The following CEP152 variants were observed in gnomAD, a reference collection of about 807,000 sequenced individuals.
CEP152 encodes centrosomal protein of 152 kDa.
Under a neutral mutation model 188.9 loss-of-function variants are expected in CEP152, and 132 were observed. The observed-to-expected ratio is 0.70, with a 90% confidence interval of 0.61 to 0.81. CEP152 has a LOEUF of 0.81. Ranked by LOEUF, CEP152 falls within the 30% of genes least tolerant of loss-of-function variation. The probability of loss-of-function intolerance (pLI) is 0.00; values close to 1 mark genes in which losing one functional copy is unlikely to be tolerated. For synonymous variants in CEP152, 649 were observed against 666.6 expected (o/e 0.97, Z 0.41); for missense variants, 1,914 against 1,969.8 (o/e 0.97, Z 0.54).
chr15:48,761,780 C>T (rs1418318641), intron 18 of CEP152, among the ~76,000 whole-genome samples: 1 of 152,184 alleles, frequency 6.6e-6, no homozygotes, highest in Admixed American at 6.5e-5. Flanking sequence ...AAAGATATAA[C>T]AGATAACTCA....
intron 19 of CEP152, 82 bp downstream of exon 19, chr15:48,760,053 A>T: frequency 6.4e-7 from 1 of 1,556,366 alleles, no homozygotes; most frequent in African/African-American, 1.4e-5. Flanking sequence ...TTCTATGAGT[A>T]GGTACAAATT....
chr15:48,737,417 T>C (rs1892660805), downstream of CEP152, among the ~76,000 whole-genome samples: 1 of 152,228 alleles, frequency 6.6e-6, no homozygotes, highest in South Asian at 2.1e-4. Flanking sequence ...CATTTCTGCA[T>C]GTATTCTTCA....
In CEP152 at chr15:48,776,864, A is replaced by G. The variant is rs184947842; in HGVS notation, c.1578-4173T>C. Among the ~76,000 whole-genome samples, 5 of 152,016 alleles carry G rather than the reference A, an allele frequency of 3.3e-5. No homozygotes were observed. In the East Asian group the frequency reaches 9.7e-4, roughly 29 times the overall value. ...TCTATTTTCTTCTTTTTTAGTCTGT[A>G]TTTTCTAATTTTTTCATAATGGAGG... On this transcript the variant is annotated intron_variant, in intron 12 of 26. Transcript: ENST00000380950.
At position 48,741,966 on chromosome 15, in the gene CEP152, G is replaced by A. The variant is rs1449447538; in HGVS notation, c.3970C>T (p.Gln1324Ter). The A allele has an allele frequency of 6.2e-7, 1 of 1,614,024 alleles. No individual in the cohort carries two copies. The highest frequency in any genetic ancestry group is 2.2e-5 in the East Asian group (1 of 44,894). ...YYLICLQQIL[Q>*]DDGKEGAEKK... is the part of the protein sequence containing the mutation. Reference sequence around the variant, plus strand: ...ACTCACCCTTCTTTTCCATCATCCTGCAAAATCTGTTGGAGGCAAATCAAA... The same window carrying A: ...ACTCACCCTTCTTTTCCATCATCCTACAAAATCTGTTGGAGGCAAATCAAA... Residue 1324 changes from glutamine (Q) to a stop codon, truncating the protein, a stop_gained, in exon 25 of 27, where the codon CAG becomes TAG. Coordinates refer to ENST00000380950, the MANE Select transcript of CEP152 (RefSeq NM_001194998.2). LOFTEE classifies it high-confidence loss of function.
In CEP152 at chr15:48,767,480, A is replaced by G. The variant is rs544287477; in HGVS notation, c.2019-17T>C. ...CTTTCACACCTGGAAACAGAGCGGA[A>G]TCAAAGGCAATGCCCAGTCTCACTA... On this transcript the variant is annotated splice_polypyrimidine_tract_variant and intron_variant, in intron 15 of 26. Transcript: ENST00000380950. 1.2e-6 allele frequency: 2 copies of G among 1,614,024 alleles called. No individual in the cohort carries two copies. Among genetic ancestry groups the G allele is most frequent in the East Asian group, 2.2e-5 (1 of 44,880 alleles).
At position 48,793,202 on chromosome 15, in the gene CEP152, C is replaced by T. The variant is rs1342974245; in HGVS notation, c.832+119G>A. The T allele has an allele frequency of 3.4e-6, 4 of 1,169,490 alleles. No homozygotes were observed. The African/African-American group carries it at 4.5e-5, about 13-fold the overall frequency. 72.4% of individuals were successfully genotyped at this position (1,169,490 alleles called of 1,614,324 possible). A position where few individuals can be genotyped will look rare whatever the true frequency, so the allele number is the denominator to read the frequency against. ...GGGTTTTGTTTTGCTATGCCTCACTCACTATGAGCCCTCTGACCAAGTGTT... is the reference window on the plus strand; with the variant it reads ...GGGTTTTGTTTTGCTATGCCTCACTTACTATGAGCCCTCTGACCAAGTGTT... On this transcript the variant is annotated intron_variant, in intron 7 of 26. Coordinates refer to ENST00000380950, the MANE Select transcript of CEP152 (RefSeq NM_001194998.2).
In CEP152 at chr15:48,768,232, C is replaced by G; in HGVS notation, c.2005G>C (p.Glu669Gln). The stretch of plus-strand genomic sequence containing the variant: ...TATAGACCTTACCTATCCACAGCTT[C>G]TTGTTTGTCATGGTCAAAATCTTGT... ...MVQDFDHDKQ[E>Q]AVDRCERTYQ... Residue 669 changes from glutamate (E) to glutamine (Q), a missense_variant, in exon 15 of 27, where the codon GAA becomes CAA. Glu to Gln is a conservative substitution (Grantham distance 29, BLOSUM62 2). Transcript: ENST00000380950. 5.0e-6 allele frequency: 8 copies of G among 1,605,806 alleles called. No homozygotes were observed. The highest frequency in any genetic ancestry group is 6.8e-6 in the Non-Finnish European group (8 of 1,172,474).
chr15:48,756,848 A>G (rs1894316707), intron 19 of CEP152, among the ~76,000 whole-genome samples: 1 of 152,182 alleles, frequency 6.6e-6, no homozygotes, highest in South Asian at 2.1e-4. Context: ...TTTTCTTAAT[A>G]CAGATACAAT....
rs761191696 is a variant in CEP152, at chr15:48,762,525, C to A, written c.2428G>T (p.Ala810Ser). The A allele has an allele frequency of 6.2e-7, 1 of 1,614,002 alleles. No individual in the cohort carries two copies. The highest frequency in any genetic ancestry group is 1.1e-5 in the South Asian group (1 of 91,076). The change falls in exon 18 of 27, where the codon GCA becomes TCA. Residue 810 changes from alanine (A) to serine (S), a missense_variant. Ala to Ser is a moderately conservative substitution (Grantham distance 99). Transcript: ENST00000380950. ...CACTTCTGCTCTTCTATCATAATTGCCATCTCTTTCTTGGAAATAACATCA... is the reference window on the plus strand; with the variant it reads ...CACTTCTGCTCTTCTATCATAATTGACATCTCTTTCTTGGAAATAACATCA... ...TSDVISKKEMAIMIEEQKCTI... is the reference protein window; with the variant it reads ...TSDVISKKEMSIMIEEQKCTI...
At chr15:48,729,832 AG>A (rs1892362987) in intron 2 of CEP152, 1 of 152,112 alleles carries the variant, frequency 6.6e-6, no homozygotes, top group Admixed American at 6.5e-5. Flanking sequence ...CAGGGTATAT[AG>A]GTGTTTATTT....
chr15:48,807,158 A>C (rs1431756019), intron 1 of CEP152, among the ~76,000 whole-genome samples: 1 of 152,176 alleles, frequency 6.6e-6, no homozygotes, highest in Admixed American at 6.5e-5. Flanking sequence ...GACCACACCT[A>C]TTCCTTTCTA....
chr15:48,808,736 A>G (rs1035679213), intron 1 of CEP152, among the ~76,000 whole-genome samples: 1 of 152,216 alleles, frequency 6.6e-6, no homozygotes, highest in Non-Finnish European at 1.5e-5. Flanking sequence ...CTGCTAAACC[A>G]TCTTGAAAAC....
chr15:48,750,806 G>T (rs1566981610), intron 21 of CEP152, among the ~76,000 whole-genome samples: 1 of 152,036 alleles, frequency 6.6e-6, no homozygotes, highest in Non-Finnish European at 1.5e-5. Flanking sequence ...CTTTTTGAGG[G>T]TACATACACA....
Position 48,744,304 on chromosome 15 carries a change from TGGCAG to T in CEP152, c.3766_3770del (p.Leu1256MetfsTer15). On this transcript the variant is annotated frameshift_variant, in exon 24 of 27. Transcript: ENST00000380950. LOFTEE classifies it high-confidence loss of function. ...GTTCTTCCAAGGCTCCCCCACTGCA[TGGCAG>T]GCAAGCATTTTCAATGGCCCCTGCT... is the stretch of plus-strand genomic sequence containing the variant. 1 of 1,614,066 alleles carries T rather than the reference TGGCAG, an allele frequency of 6.2e-7. No individual in the cohort carries two copies. Among genetic ancestry groups the T allele is most frequent in the Non-Finnish European group, 8.5e-7 (1 of 1,179,970 alleles).
rs1895275037 is a variant in CEP152, at chr15:48,768,272, T to C, written c.1965A>G (p.Gln655=). Residue 655 remains glutamine (Q), a synonymous_variant, in exon 15 of 27, where the codon CAA becomes CAG. Transcript: ENST00000380950. ...CAAAATCTTGTACCATTTGTCTCATTTGATTACATAAGTCTTGATTTGTAT... is the reference window on the plus strand; with the variant it reads ...CAAAATCTTGTACCATTTGTCTCATCTGATTACATAAGTCTTGATTTGTAT... ...LRNTNQDLCN[Q]MRQMVQDFDH... 6.2e-7 allele frequency: 1 copy of C among 1,612,618 alleles called. No individual in the cohort carries two copies. Among genetic ancestry groups the C allele is most frequent in the Non-Finnish European group, 8.5e-7 (1 of 1,178,720 alleles).
intron 19 of CEP152, among the ~76,000 whole-genome samples, chr15:48,759,748 G>A (rs1484254075): frequency 6.6e-6 from 1 of 152,114 alleles, no homozygotes; most frequent in Non-Finnish European, 1.5e-5. Flanking sequence ...TGACATTTCT[G>A]GAAAGGAGAA....
chr15:48,789,351 G>T, intron 8 of CEP152: 1 of 316,772 alleles, frequency 3.2e-6, no homozygotes, highest in Non-Finnish European at 6.0e-6. Flanking sequence ...TGACCAAAGT[G>T]TGGGGTAACC....
chr15:48,800,301 C>G (rs1384463994), intron 2 of CEP152, among the ~76,000 whole-genome samples: 4 of 152,182 alleles, frequency 2.6e-5, no homozygotes, highest in Admixed American at 2.6e-4. Context: ...ATTTATCCAT[C>G]AAGTTCTTTG....
rs1048042 is a variant in CEP152, at chr15:48,738,267, T to C, written c.5115A>G (p.Pro1705=). 4.8e-4 allele frequency: 773 copies of C among 1,613,418 alleles called. 3 individuals carry two copies. The African/African-American group carries it at 9.3e-3, about 19-fold the overall frequency. ...SSQQDSGFDS[P]FVNLD ...ACCATAATTAGTCTAGATTAACAAA[T>C]GGGCTATCAAAGCCACTATCTTGTT... is the stretch of plus-strand genomic sequence containing the variant. Residue 1705 remains proline, a synonymous_variant, in exon 27 of 27, where the codon CCA becomes CCG. Coordinates refer to ENST00000380950, the MANE Select transcript of CEP152 (RefSeq NM_001194998.2).
Sources: allele counts gnomAD v4.1 joint callset (sites outside exome capture counted in the v4.1 genomes callset), GRCh38; gene constraint gnomAD v4.1.1; transcripts MANE v1.5; gene names NCBI Gene and HGNC (gene_info 2026-07-23, HGNC 2026-07-21).